Variants in DLG2 observed in about 807,000 individuals in gnomAD.
The protein encoded by DLG2 is discs large MAGUK scaffold protein 2, also known as disks large homolog 2.
DLG2 carries 45 observed loss-of-function variants against 132.5 expected under a neutral mutation model. That is an observed-to-expected ratio of 0.34 (90% CI 0.27 to 0.44). DLG2 has a LOEUF of 0.44. Ranked by LOEUF, DLG2 falls within the 20% of genes least tolerant of loss-of-function variation. DLG2 has a pLI of 1.00. For missense variants in DLG2, 1,045 were observed against 1,196.9 expected, an observed-to-expected ratio of 0.87 and a Z score of 1.87; for synonymous variants, 424 against 419.6, an observed-to-expected ratio of 1.01 and a Z score of -0.13.
chr11:84,722,853 T>C (rs967962157), intron 6 of DLG2, among the ~76,000 whole-genome samples: 1 of 152,188 alleles, frequency 6.6e-6, no homozygotes, highest in Non-Finnish European at 1.5e-5. Flanking sequence ...ATTTCTCCAT[T>C]AGGAATCAGT....
At chr11:84,567,142 G>C (rs550031206) in intron 6 of DLG2, among the ~76,000 whole-genome samples, 2 of 152,106 alleles carry the variant, frequency 1.3e-5, no homozygotes, top group African/African-American at 4.8e-5. Context: ...ATAAATGCTA[G>C]CCTTTAACTT....
chr11:85,581,813 C>T (rs1203613142), intron 3 of DLG2, among the ~76,000 whole-genome samples: 1 of 151,982 alleles, frequency 6.6e-6, no homozygotes, highest in Admixed American at 6.6e-5. Flanking sequence ...AGTCGTGAGA[C>T]AATGAGAAAG....
rs182755602 is a variant in DLG2 at position 84,236,947 on chromosome 11, G to C, written c.573+14291C>G. On this transcript the variant is annotated intron_variant, in intron 8 of 27. Transcript: ENST00000376104. ...TGTTTTTTTTTTTGTTTTTTTTTTT[G>C]AGATGGAGTCTCACTCTGTCACTCA... 1.1e-4 allele frequency among the ~76,000 whole-genome samples: 9 copies of C among 80,102 alleles called. No homozygotes were observed. In the East Asian group the frequency reaches 3.4e-3, roughly 30 times the overall value. The allele number at this position is 80,102 out of a possible 152,430, so 52.6% of individuals were successfully genotyped here.
At chr11:84,497,788 C>A (rs2099189054) in intron 7 of DLG2, among the ~76,000 whole-genome samples, 1 of 152,116 alleles carries the variant, frequency 6.6e-6, no homozygotes, top group South Asian at 2.1e-4. Flanking sequence ...TGCCGTTATA[C>A]CTCCACTGAA....
chr11:84,872,974 G>A (rs1401783491), intron 6 of DLG2, among the ~76,000 whole-genome samples: 1 of 152,154 alleles, frequency 6.6e-6, no homozygotes, highest in Non-Finnish European at 1.5e-5. Flanking sequence ...TACCTGATTA[G>A]CATTTTTAGA....
At chr11:84,940,264 C>A (rs1213706826) in intron 6 of DLG2, among the ~76,000 whole-genome samples, 1 of 152,204 alleles carries the variant, frequency 6.6e-6, no homozygotes, top group Non-Finnish European at 1.5e-5. Context: ...GATTCTCCTG[C>A]CTCAGCCTCC....
chr11:83,899,652 T>C (rs371299721), intron 15 of DLG2, among the ~76,000 whole-genome samples: 6 of 150,176 alleles, frequency 4.0e-5, no homozygotes, highest in Admixed American at 2.7e-4. Flanking sequence ...ATGTGAGACG[T>C]GCCTTTCACC....
intron 21 of DLG2, among the ~76,000 whole-genome samples, chr11:83,524,780 C>T (rs2095565014): frequency 6.6e-6 from 1 of 152,106 alleles, no homozygotes; most frequent in Admixed American, 6.6e-5. Flanking sequence ...GGGCTGTTTC[C>T]TGATTTCTGC....
At chr11:83,654,468 T>C (rs2071680954) in intron 18 of DLG2, among the ~76,000 whole-genome samples, 1 of 152,244 alleles carries the variant, frequency 6.6e-6, no homozygotes, top group African/African-American at 2.4e-5. Context: ...TCTTCTGTCT[T>C]GACATTCTAA....
chr11:85,602,863 T>C (rs2080265777), intron 2 of DLG2, among the ~76,000 whole-genome samples: 1 of 152,192 alleles, frequency 6.6e-6, no homozygotes, highest in Admixed American at 6.6e-5. Flanking sequence ...CTCTCAGGTA[T>C]CCATAAAGCT....
At chr11:85,626,333 C>A (rs1011880093) in intron 2 of DLG2, among the ~76,000 whole-genome samples, 1 of 152,100 alleles carries the variant, frequency 6.6e-6, no homozygotes, top group African/African-American at 2.4e-5. Flanking sequence ...TCCAAATCTG[C>A]GGTACTGAAT....
intron 7 of DLG2, among the ~76,000 whole-genome samples, chr11:84,271,246 A>C (rs2097718176): frequency 1.3e-5 from 2 of 152,234 alleles, no homozygotes; most frequent in Non-Finnish European, 2.9e-5. Context: ...AATTCCCAAT[A>C]TGTTCTGAAA....
At chr11:84,817,040 T>G (rs1000332379) in intron 6 of DLG2, among the ~76,000 whole-genome samples, 1 of 151,930 alleles carries the variant, frequency 6.6e-6, no homozygotes, top group African/African-American at 2.4e-5. Flanking sequence ...AAGAGCACAT[T>G]AGATAATGGA....
chr11:85,271,597 T>C (rs887728762), intron 4 of DLG2, among the ~76,000 whole-genome samples: 13 of 152,342 alleles, frequency 8.5e-5, no homozygotes, highest in African/African-American at 2.9e-4. Context: ...CTACCTTGCA[T>C]AGCCAGAGGG....
chr11:84,334,205 G>C (rs2098473713), intron 7 of DLG2, among the ~76,000 whole-genome samples: 1 of 152,160 alleles, frequency 6.6e-6, no homozygotes, highest in Admixed American at 6.5e-5. Context: ...ATCAAATGCA[G>C]TCAGGATAAA....
At chr11:83,935,057 T>G (rs1801736629) in intron 14 of DLG2, among the ~76,000 whole-genome samples, 1 of 152,168 alleles carries the variant, frequency 6.6e-6, no homozygotes, top group Non-Finnish European at 1.5e-5. Context: ...TCTCCAAAGG[T>G]TATCCTGCTA....
chr11:83,600,236 G>GGTGTGTGTGTGTGT (rs57674131), intron 19 of DLG2, among the ~76,000 whole-genome samples: 3,378 of 145,550 alleles, frequency 0.023, 59 homozygotes, highest in Non-Finnish European at 0.025. Context: ...CTAGCTATAG[G>GGTGTGTGTGTGTGT]GTGTGTGTGT....
chr11:84,831,845 G>C (rs1335802064), intron 6 of DLG2, among the ~76,000 whole-genome samples: 1 of 151,624 alleles, frequency 6.6e-6, no homozygotes, highest in East Asian at 2.0e-4. Flanking sequence ...AGTTTCGTGG[G>C]ATGAACTGCA....
intron 18 of DLG2, among the ~76,000 whole-genome samples, chr11:83,727,684 A>G (rs1468204649): frequency 2.0e-5 from 3 of 152,218 alleles, no homozygotes; most frequent in Admixed American, 6.5e-5. Flanking sequence ...GGTGGAGTGG[A>G]TGGAGTGCAA....
Sources: gnomAD v4.1 joint callset for allele counts (sites outside exome capture counted in the v4.1 genomes callset) on GRCh38, gnomAD v4.1.1 for gene constraint, MANE v1.5 for transcripts, NCBI Gene and HGNC (gene_info 2026-07-23, HGNC 2026-07-21) for gene names.